PTPRN2: variants seen among roughly 807,000 people sequenced by gnomAD.
The protein encoded by PTPRN2 is receptor-type tyrosine-protein phosphatase N2.
PTPRN2 carries 74 observed loss-of-function variants against 118.8 expected under a neutral mutation model. That is an observed-to-expected ratio of 0.62 (90% CI 0.52 to 0.76). PTPRN2 has a LOEUF of 0.76. PTPRN2 is among the 30% of genes least tolerant of loss of function. The probability of loss-of-function intolerance (pLI) is 0.00; values close to 1 mark genes in which losing one functional copy is unlikely to be tolerated. For missense variants in PTPRN2, 1,481 were observed against 1,394.4 expected (o/e 1.06, Z -0.99); for synonymous variants, 641 against 608.0 (o/e 1.05, Z -0.80).
intron 12 of PTPRN2, among the ~76,000 whole-genome samples, chr7:157,828,680 T>C (rs1215138762): frequency 6.6e-6 from 1 of 152,202 alleles, no homozygotes; most frequent in Non-Finnish European, 1.5e-5. Flanking sequence ...TATCTGTTTA[T>C]GAGACATTCA....
chr7:157,727,040 C>T (rs977282342), intron 12 of PTPRN2, among the ~76,000 whole-genome samples: 9 of 152,134 alleles, frequency 5.9e-5, no homozygotes, highest in Admixed American at 3.3e-4. Flanking sequence ...GGGAACACTG[C>T]GCTATTGCAG....
intron 1 of PTPRN2, among the ~76,000 whole-genome samples, chr7:158,508,971 G>A (rs1822983721): frequency 1.3e-5 from 2 of 152,122 alleles, no homozygotes; most frequent in Admixed American, 1.3e-4. Context: ...CTCAGGAGGG[G>A]GCCTCAGCAC....
At chr7:157,905,367 G>C (rs1389019529) in intron 11 of PTPRN2, among the ~76,000 whole-genome samples, 1 of 152,232 alleles carries the variant, frequency 6.6e-6, no homozygotes, top group East Asian at 1.9e-4. Context: ...TCCCAAGTCT[G>C]TCAGGCCAGG....
At chr7:158,170,276 C>T (rs1823418538) in intron 5 of PTPRN2, among the ~76,000 whole-genome samples, 1 of 152,198 alleles carries the variant, frequency 6.6e-6, no homozygotes, top group Non-Finnish European at 1.5e-5. Flanking sequence ...TCTCTGAACA[C>T]CTGGTCAGCC....
chr7:158,039,828 T>C (rs966027948), intron 11 of PTPRN2, among the ~76,000 whole-genome samples: 10 of 152,158 alleles, frequency 6.6e-5, no homozygotes, highest in African/African-American at 2.4e-4. Context: ...GAATCTCAAA[T>C]ACCCATGATG....
intron 4 of PTPRN2, among the ~76,000 whole-genome samples, chr7:158,202,659 C>T (rs1826730070): frequency 6.6e-6 from 1 of 152,136 alleles, no homozygotes; most frequent in South Asian, 2.1e-4. Context: ...CCTAAATGGG[C>T]CTCTGTTTTG....
intron 1 of PTPRN2, among the ~76,000 whole-genome samples, chr7:158,557,518 A>G (rs1465761831): frequency 1.3e-5 from 2 of 152,264 alleles, no homozygotes; most frequent in Non-Finnish European, 2.9e-5. Flanking sequence ...CAAGCCAGCC[A>G]GTCCACAAAG....
chr7:158,515,147 G>A (rs59926192), intron 1 of PTPRN2, among the ~76,000 whole-genome samples: 2,727 of 152,140 alleles, frequency 0.018, 90 homozygotes, highest in African/African-American at 0.063. Flanking sequence ...CACACAAAGC[G>A]GCCGCGTGCA....
intron 12 of PTPRN2, among the ~76,000 whole-genome samples, chr7:157,809,655 G>A (rs977176364): frequency 5.9e-5 from 9 of 152,254 alleles, no homozygotes; most frequent in South Asian, 2.1e-4. Context: ...GAGACGGAAC[G>A]GAGTGAGGCG....
chr7:158,208,501 AT>A lies in PTPRN2; in HGVS notation c.278-3229del, dbSNP rs537801495. On this transcript the variant is annotated intron_variant, in intron 3 of 22. Transcript: ENST00000389418. The stretch of plus-strand genomic sequence containing the variant: ...TTACAGGCCAGGAAACGGGATTGTT[AT>A]TTAAAGTGTTAAAGGAAAGAAACCC... 4.8e-3 allele frequency among the ~76,000 whole-genome samples: 733 copies of A among 152,362 alleles called. 5 individuals carry two copies. The highest frequency in any genetic ancestry group is 0.014 in the Middle Eastern group (4 of 294).
chr7:158,431,333 C>A, intron 2 of PTPRN2, among the ~76,000 whole-genome samples: 1 of 150,076 alleles, frequency 6.7e-6, no homozygotes, highest in Admixed American at 6.6e-5. Context: ...TGGCCACACA[C>A]TTGCTCACAC....
At chr7:158,181,911 G>A (rs776996184) in intron 5 of PTPRN2, among the ~76,000 whole-genome samples, 1 of 146,206 alleles carries the variant, frequency 6.8e-6, no homozygotes, top group Non-Finnish European at 1.5e-5. Context: ...CCTTCAAATT[G>A]ATTTAGCTCT....
At chr7:158,048,535 T>C (rs942818527) in intron 11 of PTPRN2, among the ~76,000 whole-genome samples, 1 of 151,978 alleles carries the variant, frequency 6.6e-6, no homozygotes, top group Non-Finnish European at 1.5e-5. Flanking sequence ...ATCATAATCA[T>C]ATCATCCCAC....
intron 11 of PTPRN2, among the ~76,000 whole-genome samples, chr7:157,916,722 G>A (rs1336687001): frequency 2.0e-5 from 3 of 151,094 alleles, no homozygotes; most frequent in African/African-American, 5.0e-5. Flanking sequence ...CTCCCCGGCT[G>A]AAGGTCCCCA....
chr7:157,823,304 A>G (rs1191595868), intron 12 of PTPRN2, among the ~76,000 whole-genome samples: 1 of 152,244 alleles, frequency 6.6e-6, no homozygotes, highest in East Asian at 1.9e-4. Flanking sequence ...AAGTTCAAGA[A>G]ATTCTAATTA....
chr7:157,675,829 C>T (rs6975034), intron 13 of PTPRN2, among the ~76,000 whole-genome samples: 2,604 of 152,226 alleles, frequency 0.017, 72 homozygotes, highest in African/African-American at 0.059. Context: ...ATGAGGAAGG[C>T]GGCCTTCGGG....
At chr7:157,967,331 T>C (rs781069087) in intron 11 of PTPRN2, among the ~76,000 whole-genome samples, 5 of 152,080 alleles carry the variant, frequency 3.3e-5, no homozygotes, top group Non-Finnish European at 7.4e-5. Context: ...CAGACAAACT[T>C]ATTGTTCTGC....
intron 4 of PTPRN2, among the ~76,000 whole-genome samples, chr7:158,201,349 C>T (rs1826636999): frequency 6.6e-6 from 1 of 152,226 alleles, no homozygotes; most frequent in Admixed American, 6.5e-5. Flanking sequence ...ACCCCACAAA[C>T]CATAAATTCT....
At chr7:157,825,663 G>A (rs2151149096) in intron 12 of PTPRN2, among the ~76,000 whole-genome samples, 1 of 152,300 alleles carries the variant, frequency 6.6e-6, no homozygotes, top group Middle Eastern at 3.4e-3. Context: ...CTCCACATTT[G>A]TTCATGTCTG....
Sources: allele counts gnomAD v4.1 joint callset (sites outside exome capture counted in the v4.1 genomes callset), GRCh38; gene constraint gnomAD v4.1.1; transcripts MANE v1.5; gene names NCBI Gene and HGNC (gene_info 2026-07-23, HGNC 2026-07-21).